Variants in SLC24A2 observed in about 807,000 individuals in gnomAD.
SLC24A2 encodes solute carrier family 24 member 2, also known as sodium/potassium/calcium exchanger 2.
Under a neutral mutation model 62.0 loss-of-function variants are expected in SLC24A2, and 36 were observed. The observed-to-expected ratio is 0.58, with a 90% CI of 0.44 to 0.77. SLC24A2 has a LOEUF of 0.77. Among genes scored for constraint, SLC24A2 ranks in the 30% least tolerant of loss-of-function variants. The pLI, the probability that SLC24A2 is intolerant of heterozygous loss-of-function variation, is 0.00. For missense variants in SLC24A2, 846 were observed against 817.9 expected (o/e 1.03, Z -0.42); for synonymous variants, 358 against 294.0 (o/e 1.22, Z -2.23).
chr9:20,048,926 T>A, the SLC24A2 span, among the ~76,000 whole-genome samples: 1 of 151,548 alleles, frequency 6.6e-6, no homozygotes, highest in Non-Finnish European at 1.5e-5. Context: ...TTATGTATTT[T>A]TTATTTATTT....
chr9:19,832,013 G>C, the SLC24A2 span, among the ~76,000 whole-genome samples: 3 of 152,132 alleles, frequency 2.0e-5, no homozygotes, highest in Non-Finnish European at 4.4e-5. Flanking sequence ...TGTTTGTTTT[G>C]TTGTTTGTTG....
the SLC24A2 span, among the ~76,000 whole-genome samples, chr9:20,230,917 G>A: frequency 1.3e-5 from 2 of 152,190 alleles, no homozygotes; most frequent in Admixed American, 6.5e-5. Flanking sequence ...TGCATAACGT[G>A]TAAGGAAGTG....
the SLC24A2 span, among the ~76,000 whole-genome samples, chr9:20,300,127 T>C: frequency 6.6e-6 from 1 of 152,184 alleles, no homozygotes. Context: ...TTTTTAAAAT[T>C]TTTATGGATA....
chr9:20,191,890 T>G, the SLC24A2 span, among the ~76,000 whole-genome samples: 5 of 152,142 alleles, frequency 3.3e-5, no homozygotes, highest in African/African-American at 1.2e-4. Context: ...GGTACACACA[T>G]GTTTATGAAC....
chr9:20,063,792 A>G, the SLC24A2 span, among the ~76,000 whole-genome samples: 1 of 152,224 alleles, frequency 6.6e-6, no homozygotes, highest in Non-Finnish European at 1.5e-5. Context: ...ATCATTAGTT[A>G]TTAAGGAAAC....
the SLC24A2 span, among the ~76,000 whole-genome samples, chr9:20,145,541 A>G: frequency 2.0e-5 from 3 of 151,968 alleles, no homozygotes; most frequent in Non-Finnish European, 4.4e-5. Flanking sequence ...CAAAGAAAGA[A>G]AAGAAAGGAG....
the SLC24A2 span, among the ~76,000 whole-genome samples, chr9:19,969,250 T>A: frequency 7.0e-6 from 1 of 142,246 alleles, no homozygotes; most frequent in African/African-American, 2.6e-5. Flanking sequence ...AATGAAGAAT[T>A]TCCTTCATTC....
the SLC24A2 span, among the ~76,000 whole-genome samples, chr9:20,102,036 T>G: frequency 1.3e-5 from 2 of 152,204 alleles, no homozygotes; most frequent in African/African-American, 2.4e-5. Context: ...TGCAAGCTCT[T>G]GTGTTTACAA....
chr9:19,757,286 G>T lies in SLC24A2; in HGVS notation c.930+28651C>A, dbSNP rs79323695. ...CATACTGTATGTTTAATAAATTTGA[G>T]ACCTTTGGATGAAACTAAACATGGC... is the stretch of plus-strand genomic sequence containing the variant. On this transcript the variant is annotated intron_variant, in intron 2 of 10. Coordinates refer to ENST00000341998, the MANE Select transcript of SLC24A2 (RefSeq NM_020344.4). Among the ~76,000 whole-genome samples, 868 of 152,078 alleles carry T rather than the reference G, an allele frequency of 5.7e-3. 21 individuals are homozygous for T. The South Asian group carries it at 0.064, about 11-fold the overall frequency.
At chr9:20,236,721 G>A in the SLC24A2 span, among the ~76,000 whole-genome samples, 1 of 152,110 alleles carries the variant, frequency 6.6e-6, no homozygotes, top group Non-Finnish European at 1.5e-5. Flanking sequence ...AACACCTTCT[G>A]TTGCATAAAA....
At chr9:19,994,980 T>A in the SLC24A2 span, among the ~76,000 whole-genome samples, 2 of 152,070 alleles carry the variant, frequency 1.3e-5, no homozygotes, top group Admixed American at 6.5e-5. Flanking sequence ...TACCTTAAAA[T>A]GTCATGGACA....
chr9:20,233,955 G>C, the SLC24A2 span, among the ~76,000 whole-genome samples: 1 of 152,168 alleles, frequency 6.6e-6, no homozygotes, highest in East Asian at 1.9e-4. Flanking sequence ...TTGCTTGTCT[G>C]TAAAGTATTT....
intron 4 of SLC24A2, among the ~76,000 whole-genome samples, chr9:19,605,652 AGC>A (rs1284882076): frequency 6.6e-6 from 1 of 152,218 alleles, no homozygotes; most frequent in East Asian, 1.9e-4. Flanking sequence ...AACCACTGAA[AGC>A]TGTCTAAAAT....
At chr9:19,955,608 T>A in the SLC24A2 span, among the ~76,000 whole-genome samples, 2 of 152,130 alleles carry the variant, frequency 1.3e-5, no homozygotes, top group Non-Finnish European at 2.9e-5. Flanking sequence ...AATACATATG[T>A]AATATGTAAA....
chr9:19,943,678 C>T, the SLC24A2 span, among the ~76,000 whole-genome samples: 2 of 152,022 alleles, frequency 1.3e-5, no homozygotes, highest in Non-Finnish European at 2.9e-5. Flanking sequence ...TATTTCTGAC[C>T]CAAGACACAG....
At chr9:20,087,045 T>C in the SLC24A2 span, among the ~76,000 whole-genome samples, 1 of 152,178 alleles carries the variant, frequency 6.6e-6, no homozygotes, top group Admixed American at 6.5e-5. Context: ...ATATTTTCCA[T>C]GTGGAAATGG....
the SLC24A2 span, among the ~76,000 whole-genome samples, chr9:20,164,841 G>T: frequency 6.6e-6 from 1 of 151,734 alleles, no homozygotes; most frequent in African/African-American, 2.4e-5. Context: ...TTAGGGACAT[G>T]GATGAAATTG....
the SLC24A2 span, among the ~76,000 whole-genome samples, chr9:20,178,739 G>A: frequency 1.3e-5 from 2 of 152,296 alleles, no homozygotes; most frequent in African/African-American, 4.8e-5. Context: ...TCTCATAAAA[G>A]AGAAACTGCC....
chr9:20,057,402 C>T, the SLC24A2 span, among the ~76,000 whole-genome samples: 3 of 152,196 alleles, frequency 2.0e-5, no homozygotes, highest in Non-Finnish European at 4.4e-5. Context: ...CTCCTTTCTC[C>T]TGTAGTAGGG....
Sources: allele counts gnomAD v4.1 joint callset (sites outside exome capture counted in the v4.1 genomes callset), GRCh38; gene constraint gnomAD v4.1.1; transcripts MANE v1.5; gene names NCBI Gene and HGNC (gene_info 2026-07-23, HGNC 2026-07-21).